The following CTNND2 variants were observed in gnomAD, a reference collection of about 807,000 sequenced individuals.
CTNND2 encodes catenin delta 2.
A neutral mutation model predicts 144.4 loss-of-function variants in CTNND2; 22 were observed. The observed-to-expected ratio is 0.15, with a 90% CI of 0.11 to 0.22. The LOEUF (loss-of-function observed/expected upper bound fraction) is 0.22. Among genes scored for constraint, CTNND2 ranks in the 10% least tolerant of loss-of-function variants. The pLI is 1.00. For missense variants in CTNND2, 1,353 were observed against 1,618.8 expected (o/e 0.84, Z 2.82); for synonymous variants, 751 against 695.6 (o/e 1.08, Z -1.25).
At chr5:11,782,647 T>A (rs555012810) in intron 1 of CTNND2, among the ~76,000 whole-genome samples, 4 of 152,332 alleles carry the variant, frequency 2.6e-5, no homozygotes, top group African/African-American at 9.6e-5. Context: ...TCAATCAGCA[T>A]TCCAAAAAAA....
chr5:11,000,056 A>C (rs1020174566), intron 18 of CTNND2, among the ~76,000 whole-genome samples: 1 of 152,184 alleles, frequency 6.6e-6, no homozygotes, highest in African/African-American at 2.4e-5. Context: ...ACGGCCCTGA[A>C]TCTATAACAC....
chr5:11,731,640 T>G (rs922091040), intron 2 of CTNND2, among the ~76,000 whole-genome samples: 4 of 152,162 alleles, frequency 2.6e-5, no homozygotes, highest in Non-Finnish European at 5.9e-5. Flanking sequence ...GAAGAATCGT[T>G]CAGACTTTCA....
rs572637395 is a variant in CTNND2, at chr5:11,248,127, G to A, written c.1629-11304C>T. On this transcript the variant is annotated intron_variant, in intron 9 of 21. Coordinates refer to ENST00000304623, the MANE Select transcript of CTNND2 (RefSeq NM_001332.4). ...AATTAACAGCCCGTGATGTTTCTTA[G>A]AAAATCACCTGGAGCTGTGAACCTG... 3.9e-5 allele frequency among the ~76,000 whole-genome samples: 6 copies of A among 152,264 alleles called. No homozygotes were observed. In the South Asian group the frequency reaches 1.0e-3, roughly 26 times the overall value.
At chr5:11,573,562 T>A (rs1238116542) in intron 2 of CTNND2, among the ~76,000 whole-genome samples, 1 of 152,130 alleles carries the variant, frequency 6.6e-6, no homozygotes, top group Non-Finnish European at 1.5e-5. Context: ...AGCCATGATG[T>A]CAAGATGGAA....
intron 11 of CTNND2, among the ~76,000 whole-genome samples, chr5:11,183,498 T>C (rs1735312480): frequency 6.6e-6 from 1 of 151,832 alleles, no homozygotes; most frequent in African/African-American, 2.4e-5. Flanking sequence ...CGGGTACAGA[T>C]ACCCAGCAGC....
intron 1 of CTNND2, among the ~76,000 whole-genome samples, chr5:11,752,702 A>T (rs879278244): frequency 3.3e-5 from 5 of 151,670 alleles, no homozygotes; most frequent in Non-Finnish European, 7.4e-5. Flanking sequence ...TTTATACAAT[A>T]GGTATTTCTA....
rs1561554248 is a variant in CTNND2 at position 11,558,347 on chromosome 5, TG to T, written c.287+6596del. Among the ~76,000 whole-genome samples, 414 of 97,370 alleles carry T rather than the reference TG, an allele frequency of 4.3e-3. 14 individuals are homozygous for T. In the East Asian group the frequency reaches 0.084, roughly 20 times the overall value. The allele number at this position is 97,370 out of a possible 152,430, so 63.9% of individuals were successfully genotyped here. A position where few individuals can be genotyped will look rare whatever the true frequency, so the allele number is the denominator to read the frequency against. The stretch of plus-strand genomic sequence containing the variant: ...ACTTTGGCTGTGAGAAACACGTGTG[TG>T]TGTGTGTGTGTGTGTGTGTGTGTGT... On this transcript the variant is annotated intron_variant, in intron 3 of 21. Coordinates refer to ENST00000304623, the MANE Select transcript of CTNND2 (RefSeq NM_001332.4).
intron 2 of CTNND2, among the ~76,000 whole-genome samples, chr5:11,637,518 T>C (rs1422686666): frequency 2.0e-5 from 3 of 152,310 alleles, no homozygotes; most frequent in South Asian, 4.1e-4. Flanking sequence ...AAATTGCTTA[T>C]CTATTTATTA....
chr5:11,733,259 G>A (rs1410756258), intron 1 of CTNND2, among the ~76,000 whole-genome samples: 1 of 152,152 alleles, frequency 6.6e-6, no homozygotes, highest in Admixed American at 6.5e-5. Flanking sequence ...GGATGAGACA[G>A]TTTTGGGGAC....
intron 3 of CTNND2, among the ~76,000 whole-genome samples, chr5:11,491,252 T>G (rs1037525039): frequency 2.0e-5 from 3 of 152,190 alleles, no homozygotes; most frequent in Non-Finnish European, 4.4e-5. Flanking sequence ...CTCCAGGCTC[T>G]TTTGGGGAGG....
intron 3 of CTNND2, among the ~76,000 whole-genome samples, chr5:11,541,840 C>A (rs547329207): frequency 3.4e-5 from 3 of 88,386 alleles, no homozygotes; most frequent in Non-Finnish European, 7.2e-5. Flanking sequence ...TATTATCGAC[C>A]CCCCCCCCCC....
intron 3 of CTNND2, among the ~76,000 whole-genome samples, chr5:11,455,084 G>A (rs1259781738): frequency 6.6e-6 from 1 of 151,482 alleles, no homozygotes; most frequent in East Asian, 1.9e-4. Context: ...GGGACAGATA[G>A]GAACTTCTGG....
At chr5:11,104,826 C>A (rs1315236456) in intron 14 of CTNND2, among the ~76,000 whole-genome samples, 1 of 152,110 alleles carries the variant, frequency 6.6e-6, no homozygotes, top group Non-Finnish European at 1.5e-5. Flanking sequence ...ACAGGAGGGA[C>A]TTTGCATTTG....
intron 1 of CTNND2, among the ~76,000 whole-genome samples, chr5:11,854,842 C>T (rs1389234849): frequency 6.6e-6 from 1 of 152,162 alleles, no homozygotes; most frequent in Admixed American, 6.5e-5. Context: ...TAACGTTTCA[C>T]AGTTTTTGTT....
chr5:11,592,140 C>T (rs148373445), intron 2 of CTNND2, among the ~76,000 whole-genome samples: 2,991 of 117,836 alleles, frequency 0.025, 55 homozygotes, highest in East Asian at 0.11. Flanking sequence ...TCCTGCCTTC[C>T]TGCCTTCCTG....
intron 1 of CTNND2, among the ~76,000 whole-genome samples, chr5:11,854,496 T>C (rs560137389): frequency 5.3e-5 from 8 of 152,242 alleles, no homozygotes; most frequent in African/African-American, 1.7e-4. Flanking sequence ...ATTAATAGTA[T>C]GTTTGAACTA....
At chr5:11,107,516 G>A (rs1323621849) in intron 14 of CTNND2, among the ~76,000 whole-genome samples, 3 of 152,206 alleles carry the variant, frequency 2.0e-5, no homozygotes, top group African/African-American at 2.4e-5. Context: ...AACCTTGTAG[G>A]TGGTGGGATT....
chr5:11,095,014 G>A (rs1751193285), intron 15 of CTNND2, among the ~76,000 whole-genome samples: 1 of 152,182 alleles, frequency 6.6e-6, no homozygotes, highest in Non-Finnish European at 1.5e-5. Context: ...AACAGTAAGA[G>A]GCTATTGCCA....
chr5:11,431,908 G>T (rs2149875428), intron 3 of CTNND2, among the ~76,000 whole-genome samples: 1 of 152,218 alleles, frequency 6.6e-6, no homozygotes, highest in Non-Finnish European at 1.5e-5. Context: ...GCACTCCTTT[G>T]TCATCAACAG....
Sources: allele counts gnomAD v4.1 joint callset (sites outside exome capture counted in the v4.1 genomes callset), GRCh38; gene constraint gnomAD v4.1.1; transcripts MANE v1.5; gene names NCBI Gene and HGNC (gene_info 2026-07-23, HGNC 2026-07-21).